Variants in CSMD1 observed in about 807,000 individuals in gnomAD.
CSMD1 encodes CUB and sushi domain-containing protein 1.
CSMD1 carries 213 observed loss-of-function variants against 417.5 expected under a neutral mutation model. The ratio of observed to expected loss-of-function variants is 0.51; its 90% CI spans 0.46 to 0.57. CSMD1 has a LOEUF of 0.57. Among genes scored for constraint, CSMD1 ranks in the 20% least tolerant of loss-of-function variants. The pLI is 0.00. For synonymous variants in CSMD1, 2,862 were observed against 1,736.8 expected (o/e 1.65, Z -16.11); for missense variants, 6,923 against 4,529.7 (o/e 1.53, Z -15.17).
At chr8:3,931,704 G>T (rs748289238) in intron 5 of CSMD1, among the ~76,000 whole-genome samples, 1 of 149,168 alleles carries the variant, frequency 6.7e-6, no homozygotes, top group Non-Finnish European at 1.5e-5. Context: ...CTATAGTTTA[G>T]AAGAAGGACA....
At chr8:4,668,290 C>T (rs1241409374) in intron 1 of CSMD1, among the ~76,000 whole-genome samples, 1 of 151,888 alleles carries the variant, frequency 6.6e-6, no homozygotes, top group Non-Finnish European at 1.5e-5. Flanking sequence ...TAGGCTTTTC[C>T]ATTTTGTAAC....
At chr8:3,105,156 G>A (rs1451614442) in intron 46 of CSMD1, among the ~76,000 whole-genome samples, 1 of 152,162 alleles carries the variant, frequency 6.6e-6, no homozygotes, top group African/African-American at 2.4e-5. Context: ...TTTAATACTC[G>A]GTGAGTCTTT....
Position 4,836,975 on chromosome 8 carries a change from C to CT in CSMD1, c.85+157356dup, listed in dbSNP as rs531970005. 2.8e-4 allele frequency among the ~76,000 whole-genome samples: 42 copies of CT among 151,898 alleles called. No homozygotes were observed. In the East Asian group the frequency reaches 6.8e-3, roughly 25 times the overall value. On this transcript the variant is annotated intron_variant, in intron 1 of 69. Coordinates refer to ENST00000635120, the MANE Select transcript of CSMD1 (RefSeq NM_033225.6). ...AAGGAAACTCTGTAGAACAGATGGC[C>CT]TTTTTTTGTTGTTAAGAGACCACCC...
At chr8:3,100,495 G>C (rs1024784059) in intron 46 of CSMD1, among the ~76,000 whole-genome samples, 1 of 152,208 alleles carries the variant, frequency 6.6e-6, no homozygotes, top group Non-Finnish European at 1.5e-5. Context: ...CGGTCCTATA[G>C]CTGAGATGTT....
At chr8:4,495,764 T>G (rs1801949373) in intron 2 of CSMD1, among the ~76,000 whole-genome samples, 1 of 152,160 alleles carries the variant, frequency 6.6e-6, no homozygotes. Flanking sequence ...CACTAAATAT[T>G]TTAACATTCA....
chr8:4,056,207 G>A (rs995570438), intron 3 of CSMD1, among the ~76,000 whole-genome samples: 11 of 146,366 alleles, frequency 7.5e-5, no homozygotes, highest in East Asian at 2.2e-4. Flanking sequence ...TCAGCCTCCC[G>A]AGTAGCTGGG....
intron 1 of CSMD1, among the ~76,000 whole-genome samples, chr8:4,861,923 C>T (rs1053972244): frequency 6.6e-6 from 1 of 152,050 alleles, no homozygotes; most frequent in African/African-American, 2.4e-5. Flanking sequence ...ATTATACTTA[C>T]ATTTCAAAAC....
intron 1 of CSMD1, among the ~76,000 whole-genome samples, chr8:4,644,787 T>C (rs1177339603): frequency 6.6e-6 from 1 of 152,236 alleles, no homozygotes; most frequent in East Asian, 1.9e-4. Flanking sequence ...TGATGATCTC[T>C]TTCTACACTA....
At chr8:4,689,854 T>C (rs931727163) in intron 1 of CSMD1, among the ~76,000 whole-genome samples, 1 of 152,170 alleles carries the variant, frequency 6.6e-6, no homozygotes, top group Non-Finnish European at 1.5e-5. Context: ...CTAGACTCAT[T>C]GTATGTTTAT....
At chr8:4,073,660 GAAGTA>G (rs1279407460) in intron 3 of CSMD1, among the ~76,000 whole-genome samples, 10 of 152,216 alleles carry the variant, frequency 6.6e-5, no homozygotes, top group African/African-American at 2.2e-4. Context: ...ATAATTCTCT[GAAGTA>G]TAGTTATATT....
intron 20 of CSMD1, among the ~76,000 whole-genome samples, chr8:3,365,900 G>T (rs747110639): frequency 4.6e-5 from 7 of 152,202 alleles, no homozygotes; most frequent in Non-Finnish European, 7.3e-5. Flanking sequence ...GTAACATACA[G>T]CAGTAGAGCT....
intron 10 of CSMD1, among the ~76,000 whole-genome samples, chr8:3,504,201 G>A (rs1483861045): frequency 1.3e-5 from 2 of 152,006 alleles, no homozygotes; most frequent in East Asian, 1.9e-4. Flanking sequence ...AACACTGCAT[G>A]TACCCCATAA....
At chr8:3,989,424 A>C (rs773829912) in intron 5 of CSMD1, among the ~76,000 whole-genome samples, 1 of 152,202 alleles carries the variant, frequency 6.6e-6, no homozygotes, top group Non-Finnish European at 1.5e-5. Context: ...TCTCCAAGCT[A>C]GGTAAGAGCG....
intron 21 of CSMD1, among the ~76,000 whole-genome samples, chr8:3,349,472 C>T (rs1256662196): frequency 6.6e-6 from 1 of 151,922 alleles, no homozygotes; most frequent in African/African-American, 2.4e-5. Context: ...GCTTGACATC[C>T]TGGGTTCACT....
intron 2 of CSMD1, among the ~76,000 whole-genome samples, chr8:4,589,802 C>G (rs548982829): frequency 6.6e-6 from 1 of 152,268 alleles, no homozygotes; most frequent in Admixed American, 6.5e-5. Flanking sequence ...TTTGCCATGT[C>G]AAAGAGTATC....
intron 1 of CSMD1, among the ~76,000 whole-genome samples, chr8:4,689,873 T>G (rs1311777864): frequency 1.3e-5 from 2 of 152,172 alleles, no homozygotes; most frequent in Non-Finnish European, 2.9e-5. Flanking sequence ...ATATGAATGA[T>G]TAAAACTACT....
At chr8:4,023,623 G>T (rs560458268) in intron 4 of CSMD1, among the ~76,000 whole-genome samples, 1 of 134,346 alleles carries the variant, frequency 7.4e-6, no homozygotes, top group Non-Finnish European at 1.5e-5. Context: ...GTCTCGCTCT[G>T]TCGCCCAGGC....
intron 2 of CSMD1, among the ~76,000 whole-genome samples, chr8:4,489,285 A>C (rs1411511670): frequency 6.6e-6 from 1 of 152,242 alleles, no homozygotes; most frequent in Non-Finnish European, 1.5e-5. Context: ...AGCTGCAGAA[A>C]GTTCTGGGAA....
intron 7 of CSMD1, among the ~76,000 whole-genome samples, chr8:3,661,217 C>G (rs2624084): frequency 0.92 from 139,816 of 152,166 alleles, 64,404 homozygotes; most frequent in East Asian, 1. Flanking sequence ...ACCTAATTTA[C>G]GAGTATGCAT....
Sources: allele counts gnomAD v4.1 joint callset (sites outside exome capture counted in the v4.1 genomes callset), GRCh38; gene constraint gnomAD v4.1.1; transcripts MANE v1.5; gene names NCBI Gene and HGNC (gene_info 2026-07-23, HGNC 2026-07-21).